LRP11: variants seen among roughly 807,000 people sequenced by gnomAD.
The protein encoded by LRP11 is low-density lipoprotein receptor-related protein 11.
Under a neutral mutation model 43.1 loss-of-function variants are expected in LRP11, and 25 were observed. The ratio of observed to expected loss-of-function variants is 0.58; its 90% CI spans 0.42 to 0.81. The LOEUF (loss-of-function observed/expected upper bound fraction) is 0.81, where lower values mean the gene tolerates loss of function less well. Ranked by LOEUF, LRP11 falls within the 30% of genes least tolerant of loss-of-function variation. The pLI is 0.00. For synonymous variants in LRP11, 316 were observed against 299.4 expected (o/e 1.06, Z -0.57); for missense variants, 623 against 665.1 (o/e 0.94, Z 0.70).
At position 149,855,919 on chromosome 6, in the gene LRP11, A is replaced by G. The variant is rs550654410; in HGVS notation, c.614-2759T>C. 2.0e-5 allele frequency among the ~76,000 whole-genome samples: 3 copies of G among 152,260 alleles called. No individual in the cohort carries two copies. In the South Asian group the frequency reaches 6.2e-4, roughly 32 times the overall value. On this transcript the variant is annotated intron_variant, in intron 1 of 6. Coordinates refer to ENST00000239367, the MANE Select transcript of LRP11 (RefSeq NM_032832.6). ...CCTCTGAACAAACACGGAGTGTCTG[A>G]TGTCTTTATGCTGCTTCTGCCAGGT...
rs2115373306 is a variant in LRP11 at position 149,826,258 on chromosome 6, A to G, written c.1348+6T>C. ...TCTGCAAAGGGTTTCCAAGGTGGAC[A>G]TTTACCTGTTTCTGGGGCTGGGTGT... On this transcript the variant is annotated splice_donor_region_variant and intron_variant, in intron 6 of 6. Transcript: ENST00000239367. 3.1e-6 allele frequency: 5 copies of G among 1,606,820 alleles called. No individual in the cohort carries two copies. The highest frequency in any genetic ancestry group is 4.3e-6 in the Non-Finnish European group (5 of 1,173,284).
In LRP11 at chr6:149,835,955, G is replaced by A. The variant is rs1171683476; in HGVS notation, c.1252+130C>T. 3.6e-6 allele frequency: 3 copies of A among 844,330 alleles called. No individual in the cohort carries two copies. The African/African-American group carries it at 5.1e-5, about 14-fold the overall frequency. The allele number at this position is 844,330 out of a possible 1,614,324, so 52.3% of individuals were successfully genotyped here. A position where few individuals can be genotyped will look rare whatever the true frequency, so the allele number is the denominator to read the frequency against. On this transcript the variant is annotated intron_variant, in intron 5 of 6. Coordinates refer to ENST00000239367, the MANE Select transcript of LRP11 (RefSeq NM_032832.6). Reference sequence around the variant, plus strand: ...GTCAAGATTTCCCCCCGCCTTTCTGGCCAAATTCTTAATTTTAACTCTTAT... The same window carrying A: ...GTCAAGATTTCCCCCCGCCTTTCTGACCAAATTCTTAATTTTAACTCTTAT...
intron 1 of LRP11, among the ~76,000 whole-genome samples, chr6:149,859,083 A>C (rs1323764301): frequency 6.6e-6 from 1 of 152,048 alleles, no homozygotes; most frequent in East Asian, 1.9e-4. Flanking sequence ...AAAATATTCC[A>C]GAAGTATGAA....
At chr6:149,835,576 C>A (rs1776460636) in intron 5 of LRP11, among the ~76,000 whole-genome samples, 1 of 152,052 alleles carries the variant, frequency 6.6e-6, no homozygotes, top group South Asian at 2.1e-4. Context: ...TCACTGTACT[C>A]CAGCCTGGGA....
In LRP11 at chr6:149,847,013, GAATAA is replaced by G. The variant is rs1212966561; in HGVS notation, c.772-3894_772-3890del. 3.0e-3 allele frequency among the ~76,000 whole-genome samples: 441 copies of G among 147,008 alleles called. 2 individuals are homozygous for G. The highest frequency in any genetic ancestry group is 0.01 in the African/African-American group (408 of 39,890). On this transcript the variant is annotated intron_variant, in intron 2 of 6. Transcript: ENST00000239367. ...GAATAGAATAGAATAGAATAGAATA[GAATAA>G]ACCAAGGAAGCACTGAGGCCAGGGA...
At chr6:149,840,953 AGC>A (rs934069083) in intron 3 of LRP11, among the ~76,000 whole-genome samples, 3 of 152,162 alleles carry the variant, frequency 2.0e-5, no homozygotes, top group African/African-American at 7.2e-5. Flanking sequence ...ATCCGGGCTG[AGC>A]TGGACAGACT....
intron 2 of LRP11, among the ~76,000 whole-genome samples, chr6:149,851,750 T>A (rs1359265700): frequency 2.6e-5 from 4 of 152,146 alleles, no homozygotes; most frequent in Non-Finnish European, 5.9e-5. Context: ...CACTCTTGTT[T>A]GGAGGAGAGG....
intron 5 of LRP11, among the ~76,000 whole-genome samples, chr6:149,828,494 CTT>C (rs5880853): frequency 3.4e-5 from 5 of 145,312 alleles, no homozygotes; most frequent in African/African-American, 5.1e-5. Context: ...GTTTTATTTT[CTT>C]TTTTTTTTTT....
At chr6:149,832,189 G>GTAT (rs1562438020) in intron 5 of LRP11, among the ~76,000 whole-genome samples, 1 of 129,256 alleles carries the variant, frequency 7.7e-6, no homozygotes. Context: ...CATGAGCTAA[G>GTAT]TCTTTTTTTT....
intron 5 of LRP11, among the ~76,000 whole-genome samples, chr6:149,826,803 C>T (rs1002507189): frequency 6.6e-6 from 1 of 152,160 alleles, no homozygotes; most frequent in African/African-American, 2.4e-5. Flanking sequence ...GCTCAATTTT[C>T]TTTCTGGTTA....
chr6:149,827,847 C>T lies in LRP11; in HGVS notation c.1253-1488G>A, dbSNP rs1372582859. Among the ~76,000 whole-genome samples, 1 of 152,136 alleles carries T rather than the reference C, an allele frequency of 6.6e-6. No homozygotes were observed. Among genetic ancestry groups the T allele is most frequent in the Non-Finnish European group, 1.5e-5 (1 of 68,022 alleles). ...CTCATGCCTGGCCAACATGGCAAAA[C>T]CCTGTCTCTACTTAAAATACAAAAA... On this transcript the variant is annotated intron_variant, in intron 5 of 6. Coordinates refer to ENST00000239367, the MANE Select transcript of LRP11 (RefSeq NM_032832.6). The surrounding 1 kb of genome is among the most constrained non-coding windows in gnomAD (Gnocchi z 4.2).
intron 1 of LRP11, among the ~76,000 whole-genome samples, chr6:149,856,830 A>T (rs1190496242): frequency 2.6e-5 from 4 of 152,296 alleles, no homozygotes; most frequent in African/African-American, 4.8e-5. Context: ...TGTGGGAACG[A>T]ATGGTATAGC....
At chr6:149,821,659 CT>C (rs568442138) in intron 6 of LRP11, among the ~76,000 whole-genome samples, 1 of 152,174 alleles carries the variant, frequency 6.6e-6, no homozygotes, top group African/African-American at 2.4e-5. Context: ...CAATATCAGT[CT>C]TTTTTATCAA....
chr6:149,857,737 A>G (rs1206547520), intron 1 of LRP11, among the ~76,000 whole-genome samples: 1 of 152,176 alleles, frequency 6.6e-6, no homozygotes, highest in Non-Finnish European at 1.5e-5. Context: ...CTAGGTTGAT[A>G]AACTGGCTCA....
chr6:149,856,655 A>C (rs1776803162), intron 1 of LRP11, among the ~76,000 whole-genome samples: 1 of 152,222 alleles, frequency 6.6e-6, no homozygotes. Flanking sequence ...AAAACTAAAC[A>C]CACTTAGTAA....
At chr6:149,822,941 C>T (rs1039127978) in intron 6 of LRP11, among the ~76,000 whole-genome samples, 5 of 151,974 alleles carry the variant, frequency 3.3e-5, no homozygotes, top group African/African-American at 1.2e-4. Flanking sequence ...TATGTGGGAG[C>T]CTTTAGCATA....
rs2115436247 is a variant in LRP11, at chr6:149,864,155, G to A, written c.-135C>T. On this transcript the variant is annotated 5_prime_UTR_variant, in exon 1 of 7. Transcript: ENST00000239367. ...CTAGGCCCCGGCCTCACAGCGCGGCGCCCCCGAACCCGGCTGCTCCCCCGA... is the reference window on the plus strand; with the variant it reads ...CTAGGCCCCGGCCTCACAGCGCGGCACCCCCGAACCCGGCTGCTCCCCCGA... 2 of 1,151,576 alleles carry A rather than the reference G, an allele frequency of 1.7e-6. No homozygotes were observed. The highest frequency in any genetic ancestry group is 8.8e-5 in the South Asian group (2 of 22,812). 71.3% of individuals were successfully genotyped at this position (1,151,576 alleles called of 1,614,324 possible).
chr6:149,845,858 GAC>G (rs1413100159), intron 2 of LRP11, among the ~76,000 whole-genome samples: 6 of 152,056 alleles, frequency 3.9e-5, no homozygotes, highest in Non-Finnish European at 8.8e-5. Flanking sequence ...TCTGGTTTGA[GAC>G]CTCAAGATTG....
At chr6:149,860,481 C>A (rs1051397471) in intron 1 of LRP11, among the ~76,000 whole-genome samples, 2 of 148,308 alleles carry the variant, frequency 1.3e-5, no homozygotes, top group African/African-American at 4.9e-5. Context: ...ATGGGCATGA[C>A]CCAACCAGGT....
Sources: gnomAD v4.1 joint callset for allele counts (sites outside exome capture counted in the v4.1 genomes callset) on GRCh38, gnomAD v4.1.1 for gene constraint, Gnocchi (gnomAD v3.1) non-coding constraint, MANE v1.5 for transcripts, NCBI Gene and HGNC (gene_info 2026-07-23, HGNC 2026-07-21) for gene names.